Variants in MYOM1 observed in about 807,000 individuals in gnomAD.
The protein encoded by MYOM1 is myomesin 1.
Under a neutral mutation model 205.3 loss-of-function variants are expected in MYOM1, and 164 were observed. The ratio of observed to expected loss-of-function variants is 0.80; its 90% CI spans 0.70 to 0.91. The LOEUF (loss-of-function observed/expected upper bound fraction) is 0.91. MYOM1 is among the 40% of genes least tolerant of loss of function. The pLI is 0.00. For missense variants in MYOM1, 2,011 were observed against 2,127.3 expected, an observed-to-expected ratio of 0.95 and a Z score of 1.08; for synonymous variants, 772 against 789.4, an observed-to-expected ratio of 0.98 and a Z score of 0.37.
At chr18:3,118,276 G>A (rs1033323832) in intron 20 of MYOM1, among the ~76,000 whole-genome samples, 5 of 152,158 alleles carry the variant, frequency 3.3e-5, no homozygotes, top group Non-Finnish European at 4.4e-5. Flanking sequence ...GTGTCAGGAG[G>A]GTGGAGGGCT....
At chr18:3,148,111 T>G (rs2080156457) in intron 13 of MYOM1, among the ~76,000 whole-genome samples, 1 of 152,148 alleles carries the variant, frequency 6.6e-6, no homozygotes, top group Admixed American at 6.5e-5. Flanking sequence ...CGGGAGCAAG[T>G]GGAACTCTCA....
rs949422838 is a variant in MYOM1 at position 3,193,961 on chromosome 18, G to A, written c.291-3C>T. On this transcript the variant is annotated splice_region_variant and splice_polypyrimidine_tract_variant and intron_variant, in intron 2 of 37. Transcript: ENST00000356443. ...ACAGCAGACTGGAATCTGTAAGTCT[G>A]AAATAAACCACCTAACATCAGACAG... is the stretch of plus-strand genomic sequence containing the variant. 1.7e-5 allele frequency: 28 copies of A among 1,612,660 alleles called. No homozygotes were observed. The highest frequency in any genetic ancestry group is 1.7e-4 in the Middle Eastern group (1 of 6,060).
intron 34 of MYOM1, among the ~76,000 whole-genome samples, chr18:3,076,539 C>T (rs141688827): frequency 0.017 from 2,652 of 152,152 alleles, 43 homozygotes; most frequent in South Asian, 0.071. Context: ...CAAAAAAGCA[C>T]AATGAGTTAC....
chr18:3,216,145 G>A (rs1181980555), intron 1 of MYOM1, among the ~76,000 whole-genome samples: 1 of 152,172 alleles, frequency 6.6e-6, no homozygotes, highest in Non-Finnish European at 1.5e-5. Flanking sequence ...GTGGGCACCT[G>A]TAGTCCCAGC....
chr18:3,217,813 T>C (rs980991826), intron 1 of MYOM1, among the ~76,000 whole-genome samples: 6 of 152,096 alleles, frequency 3.9e-5, no homozygotes, highest in Non-Finnish European at 8.8e-5. Flanking sequence ...TGAGACCTTG[T>C]CTCTATTATA....
chr18:3,137,376 T>C (rs1051258560), intron 14 of MYOM1, among the ~76,000 whole-genome samples: 1 of 152,232 alleles, frequency 6.6e-6, no homozygotes, highest in Admixed American at 6.5e-5. Context: ...TGTACTCCCA[T>C]GTTTATTGCT....
At chr18:3,173,726 A>T (rs2080593670) in intron 8 of MYOM1, among the ~76,000 whole-genome samples, 1 of 152,092 alleles carries the variant, frequency 6.6e-6, no homozygotes, top group Non-Finnish European at 1.5e-5. Flanking sequence ...GGGCTTTCAT[A>T]AAACCAGCAC....
At chr18:3,239,791 AG>A in the MYOM1 span, among the ~76,000 whole-genome samples, 24 of 138,746 alleles carry the variant, frequency 1.7e-4, no homozygotes, top group African/African-American at 6.5e-4. Flanking sequence ...AAAGAAATTG[AG>A]AGAGCGGAGC....
Position 3,086,053 on chromosome 18 carries a change from G to T in MYOM1, c.4236C>A (p.Thr1412=). 6.2e-7 allele frequency: 1 copy of T among 1,602,194 alleles called. No homozygotes were observed. The change falls in exon 30 of 38, where the codon ACC becomes ACA. Residue 1412 remains threonine (T), a synonymous_variant. Transcript: ENST00000356443. The part of the protein sequence containing the change: ...EKHDFKDGIC[T]LLITEFSKKD... ...AATCGCCTACCTCTGTTATAAGCAG[G>T]GTACATATACCATCCTTAAAGTCAT...
intron 37 of MYOM1, among the ~76,000 whole-genome samples, chr18:3,070,136 G>C (rs2078942723): frequency 6.6e-6 from 1 of 152,114 alleles, no homozygotes; most frequent in Non-Finnish European, 1.5e-5. Context: ...TGTTAAACTT[G>C]TTTTAATTTA....
At chr18:3,171,143 G>A (rs146173480) in intron 8 of MYOM1, among the ~76,000 whole-genome samples, 4 of 152,154 alleles carry the variant, frequency 2.6e-5, no homozygotes, top group African/African-American at 7.2e-5. Context: ...GATTTGCACC[G>A]GCTGGCCGTT....
chr18:3,235,248 A>G, the MYOM1 span, among the ~76,000 whole-genome samples: 2 of 152,166 alleles, frequency 1.3e-5, no homozygotes, highest in East Asian at 3.9e-4. Flanking sequence ...CATTACCTCA[A>G]AATGTCCCAA....
chr18:3,094,106 C>T (rs1020932764), intron 26 of MYOM1, 64 bp downstream of exon 26: 40 of 1,554,220 alleles, frequency 2.6e-5, no homozygotes, highest in Middle Eastern at 3.4e-4. Flanking sequence ...TCCACATCCA[C>T]ATAAGGCTTC....
At chr18:3,125,780 A>C (rs1033263695) in intron 19 of MYOM1, among the ~76,000 whole-genome samples, 3 of 152,184 alleles carry the variant, frequency 2.0e-5, no homozygotes, top group Non-Finnish European at 2.9e-5. Flanking sequence ...GAAAGTCATC[A>C]GCTAAGGCAA....
chr18:3,169,029 A>G, intron 8 of MYOM1, 48 bp from the exon 9 acceptor site: 3 of 1,533,654 alleles, frequency 2.0e-6, no homozygotes, highest in Non-Finnish European at 2.6e-6. Context: ...TTCATCAAAG[A>G]GACACAAGCA....
chr18:3,138,383 GGCAT>G (rs1239111007), intron 14 of MYOM1, among the ~76,000 whole-genome samples: 13 of 152,266 alleles, frequency 8.5e-5, no homozygotes, highest in African/African-American at 3.1e-4. Flanking sequence ...CAGGCAACAT[GGCAT>G]GGCATAGAGG....
chr18:3,101,989 A>AT (rs35882298), intron 23 of MYOM1, among the ~76,000 whole-genome samples: 860 of 55,872 alleles, frequency 0.015, 71 homozygotes, highest in Middle Eastern at 0.024. Context: ...TCAGTCTGGG[A>AT]TTTTTTTTTT....
chr18:3,172,257 T>G (rs999841103), intron 8 of MYOM1, among the ~76,000 whole-genome samples: 2 of 152,214 alleles, frequency 1.3e-5, no homozygotes, highest in Non-Finnish European at 2.9e-5. Flanking sequence ...ATATAAGCAC[T>G]CTGTTTTCTG....
intron 20 of MYOM1, 73 bp downstream of exon 20, chr18:3,119,796 T>C: frequency 6.5e-7 from 1 of 1,534,274 alleles, no homozygotes; most frequent in East Asian, 2.3e-5. Context: ...GTACTTTGAA[T>C]TTCATTCCAG....
Sources: gnomAD v4.1 joint callset for allele counts (sites outside exome capture counted in the v4.1 genomes callset) on GRCh38, gnomAD v4.1.1 for gene constraint, MANE v1.5 for transcripts, NCBI Gene and HGNC (gene_info 2026-07-23, HGNC 2026-07-21) for gene names.